CDH18: variants seen among roughly 807,000 people sequenced by gnomAD.
CDH18 encodes cadherin 18, also known as cadherin-18.
In CDH18, 31 loss-of-function variants were observed where a neutral mutation model predicts 67.9. The observed-to-expected ratio is 0.46, with a 90% confidence interval of 0.34 to 0.62. The LOEUF (loss-of-function observed/expected upper bound fraction) is 0.62. Ranked by LOEUF, CDH18 falls within the 20% of genes least tolerant of loss-of-function variation. CDH18 has a pLI of 0.01. For missense variants in CDH18, 890 were observed against 975.5 expected (o/e 0.91, Z 1.17); for synonymous variants, 362 against 347.2 (o/e 1.04, Z -0.48).
intron 2 of CDH18, among the ~76,000 whole-genome samples, chr5:19,893,781 C>A (rs1348689710): frequency 6.6e-6 from 1 of 152,124 alleles, no homozygotes; most frequent in Non-Finnish European, 1.5e-5. Context: ...CACCTAAATT[C>A]TCTTTTAGGA....
intron 1 of CDH18, among the ~76,000 whole-genome samples, chr5:20,520,914 T>C (rs1415704668): frequency 6.6e-6 from 1 of 152,208 alleles, no homozygotes; most frequent in East Asian, 1.9e-4. Context: ...TCATGATTGG[T>C]AGTACTGGTT....
At chr5:19,729,942 A>T (rs1767371137) in intron 4 of CDH18, among the ~76,000 whole-genome samples, 1 of 152,078 alleles carries the variant, frequency 6.6e-6, no homozygotes, top group African/African-American at 2.4e-5. Context: ...ATAGATGGAA[A>T]CTGAAAAACA....
At chr5:19,511,825 C>A (rs1243994189) in intron 10 of CDH18, among the ~76,000 whole-genome samples, 1 of 152,004 alleles carries the variant, frequency 6.6e-6, no homozygotes, top group Admixed American at 6.6e-5. Flanking sequence ...TGAAGCCTGA[C>A]AATGAAATAA....
chr5:20,410,665 TA>T (rs1251381108), intron 1 of CDH18, among the ~76,000 whole-genome samples: 4 of 151,236 alleles, frequency 2.6e-5, no homozygotes, highest in Admixed American at 6.6e-5. Context: ...CCATTGAACA[TA>T]AAAAAGGAAT....
At chr5:20,570,471 C>A (rs1758754121) in intron 1 of CDH18, among the ~76,000 whole-genome samples, 1 of 152,126 alleles carries the variant, frequency 6.6e-6, no homozygotes, top group South Asian at 2.1e-4. Context: ...TTTATTTCTG[C>A]CAAGGATGGG....
chr5:19,907,434 T>C (rs892306123), intron 2 of CDH18, among the ~76,000 whole-genome samples: 17 of 152,020 alleles, frequency 1.1e-4, no homozygotes, highest in African/African-American at 4.1e-4. Context: ...CTTATACACA[T>C]AGCCTGGAGT....
At chr5:20,073,069 A>T (rs1170049528) in intron 2 of CDH18, among the ~76,000 whole-genome samples, 2 of 151,866 alleles carry the variant, frequency 1.3e-5, no homozygotes, top group East Asian at 3.9e-4. Context: ...ACATGTACAT[A>T]AAAAAAACTT....
At chr5:19,718,309 G>T (rs1161276887) in intron 5 of CDH18, among the ~76,000 whole-genome samples, 1 of 151,980 alleles carries the variant, frequency 6.6e-6, no homozygotes, top group African/African-American at 2.4e-5. Flanking sequence ...CTGGAAACAT[G>T]CTGAGGTGCA....
At chr5:20,509,860 C>T (rs1476816579) in intron 1 of CDH18, among the ~76,000 whole-genome samples, 3 of 152,134 alleles carry the variant, frequency 2.0e-5, no homozygotes, top group East Asian at 1.9e-4. Context: ...CATGGGAGTG[C>T]ATCTGTGTCT....
In CDH18 at chr5:20,351,191, T is replaced by TGTGTGTGTGTGTGCGC. The variant is rs1420969028; in HGVS notation, c.-579-95687_-579-95686insGCGCACACACACACAC. Among the ~76,000 whole-genome samples, 7 of 148,766 alleles carry TGTGTGTGTGTGTGCGC rather than the reference T, an allele frequency of 4.7e-5. No homozygotes were observed. The East Asian group carries it at 1.0e-3, about 22-fold the overall frequency. ...GTGTGTGTGTGTGTGTGTGTGTGTG[T>TGTGTGTGTGTGTGCGC]GCGTGTGTGTTATTGCTTATTTTGT... On this transcript the variant is annotated intron_variant, in intron 1 of 14. Coordinates refer to the CDH18 transcript ENST00000507958.
At chr5:20,437,017 TAAATA>T (rs1324164088) in intron 1 of CDH18, among the ~76,000 whole-genome samples, 12 of 149,062 alleles carry the variant, frequency 8.1e-5, no homozygotes, top group Admixed American at 5.3e-4. Flanking sequence ...ACAAAGAAAA[TAAATA>T]AAATATTTCC....
At chr5:20,310,341 G>A (rs1164483553) in intron 1 of CDH18, among the ~76,000 whole-genome samples, 1 of 152,056 alleles carries the variant, frequency 6.6e-6, no homozygotes, top group Non-Finnish European at 1.5e-5. Context: ...AACTCCACAA[G>A]CATATAGACT....
In CDH18 at chr5:19,613,059, C is replaced by T. The variant is rs190811808; in HGVS notation, c.644-458G>A. 4.6e-5 allele frequency among the ~76,000 whole-genome samples: 7 copies of T among 152,170 alleles called. No individual in the cohort carries two copies. The East Asian group carries it at 7.7e-4, about 17-fold the overall frequency. ...TACTCATGAGGCTAGGCAGGAGAAT[C>T]GCTTGAACCCAGAAGACGGAGGTTG... On this transcript the variant is annotated intron_variant, in intron 5 of 12. Transcript: ENST00000382275.
At chr5:19,872,090 A>G (rs1011903147) in intron 2 of CDH18, among the ~76,000 whole-genome samples, 1 of 152,174 alleles carries the variant, frequency 6.6e-6, no homozygotes, top group Non-Finnish European at 1.5e-5. Context: ...TCATCATTTA[A>G]TTATAATCCT....
intron 2 of CDH18, among the ~76,000 whole-genome samples, chr5:20,248,824 G>A (rs567775945): frequency 1.3e-5 from 2 of 152,288 alleles, no homozygotes; most frequent in South Asian, 4.1e-4. Context: ...TTTATCCACA[G>A]TTCTTCTAGA....
Position 20,145,949 on chromosome 5 carries a change from A to T in CDH18, c.-518+109495T>A, listed in dbSNP as rs191115497. Among the ~76,000 whole-genome samples, 673 of 152,300 alleles carry T rather than the reference A, an allele frequency of 4.4e-3. 8 individuals are homozygous for T. Among genetic ancestry groups the T allele is most frequent in the African/African-American group, 0.015 (632 of 41,572 alleles). On this transcript the variant is annotated intron_variant, in intron 2 of 14. Coordinates refer to the CDH18 transcript ENST00000507958. ...TTTGCAATGGTCTACAAGTACATAAAGGATTCTTCTCTATCATCCTCTGAA... is the reference window on the plus strand; with the variant it reads ...TTTGCAATGGTCTACAAGTACATAATGGATTCTTCTCTATCATCCTCTGAA...
chr5:19,758,437 C>T (rs1230389301), intron 3 of CDH18, among the ~76,000 whole-genome samples: 1 of 152,216 alleles, frequency 6.6e-6, no homozygotes, highest in South Asian at 2.1e-4. Flanking sequence ...CAAACAACAT[C>T]CCTGTCTGCC....
intron 1 of CDH18, among the ~76,000 whole-genome samples, chr5:20,487,018 C>G (rs2126355281): frequency 6.6e-6 from 1 of 152,258 alleles, no homozygotes; most frequent in East Asian, 1.9e-4. Context: ...TCTGCAGAGC[C>G]AGGACTCATG....
Position 20,310,811 on chromosome 5 carries a change from A to G in CDH18, c.-579-55306T>C, listed in dbSNP as rs1456573153. Among the ~76,000 whole-genome samples the G allele has an allele frequency of 2.0e-5, 3 of 152,134 alleles. No individual in the cohort carries two copies. The East Asian group carries it at 5.8e-4, about 29-fold the overall frequency. On this transcript the variant is annotated intron_variant, in intron 1 of 14. Transcript: ENST00000507958. ...CATTGTTCTTTCTTCTTTTCTGACT[A>G]CTGGATTGCTCTTCCTCATTGCAAC...
Sources: gnomAD v4.1 joint callset for allele counts (sites outside exome capture counted in the v4.1 genomes callset) on GRCh38, gnomAD v4.1.1 for gene constraint, MANE v1.5 for transcripts, NCBI Gene and HGNC (gene_info 2026-07-23, HGNC 2026-07-21) for gene names.